Variants in KCNMA1 observed in about 807,000 individuals in gnomAD.
The protein encoded by KCNMA1 is Calcium-activated potassium channel subunit alpha-1.
KCNMA1 carries 29 observed loss-of-function variants against 140.0 expected under a neutral mutation model. That is an observed-to-expected ratio of 0.21 (90% CI 0.15 to 0.28). KCNMA1 has a LOEUF of 0.28. Ranked by LOEUF, KCNMA1 falls within the 10% of genes least tolerant of loss-of-function variation. The pLI, the probability that KCNMA1 is intolerant of heterozygous loss-of-function variation, is 1.00. For missense variants in KCNMA1, 880 were observed against 1,602.2 expected (o/e 0.55, Z 7.70); for synonymous variants, 612 against 611.9 (o/e 1.00, Z 0.00).
chr10:76,964,638 T>A (rs966974020), intron 20 of KCNMA1, among the ~76,000 whole-genome samples: 2 of 152,148 alleles, frequency 1.3e-5, no homozygotes, highest in African/African-American at 2.4e-5. Flanking sequence ...GTGGAAGGAA[T>A]TGTGAGGGTG....
At chr10:77,451,783 G>A (rs2097665057) in intron 1 of KCNMA1, among the ~76,000 whole-genome samples, 1 of 152,154 alleles carries the variant, frequency 6.6e-6, no homozygotes, top group Non-Finnish European at 1.5e-5. Flanking sequence ...CTAAGGACCT[G>A]GATGCCTGGA....
At chr10:77,181,822 G>A (rs7083934) in intron 5 of KCNMA1, among the ~76,000 whole-genome samples, 24,826 of 151,958 alleles carry the variant, frequency 0.16, 2,475 homozygotes, top group Middle Eastern at 0.22. Flanking sequence ...GCATATCTCA[G>A]GTCCAAAACA....
At chr10:77,458,381 CAG>C (rs1163246660) in intron 1 of KCNMA1, among the ~76,000 whole-genome samples, 1 of 152,228 alleles carries the variant, frequency 6.6e-6, no homozygotes, top group Non-Finnish European at 1.5e-5. Flanking sequence ...GACCAAGGCA[CAG>C]AGAGTTTCCA....
chr10:77,111,268 G>A (rs1401876845), intron 7 of KCNMA1, among the ~76,000 whole-genome samples: 1 of 152,214 alleles, frequency 6.6e-6, no homozygotes, highest in Admixed American at 6.5e-5. Context: ...CACCCACAGG[G>A]CCTGTAGACG....
rs556112112 is a variant in KCNMA1, at chr10:77,115,458, T to C, written c.885-3016A>G. On this transcript the variant is annotated intron_variant, in intron 6 of 27. Transcript: ENST00000286628. ...GGGTAAGAAATAGATGAAGAACTGA[T>C]AGCCGGCGACAAAGGGAGGCCTCTT... Among the ~76,000 whole-genome samples, 5 of 152,324 alleles carry C rather than the reference T, an allele frequency of 3.3e-5. No homozygotes were observed. The East Asian group carries it at 9.7e-4, about 29-fold the overall frequency.
At position 76,976,635 on chromosome 10, in the gene KCNMA1, C is replaced by A. The variant is rs558483882; in HGVS notation, c.2267-6568G>T. On this transcript the variant is annotated intron_variant, in intron 19 of 27. Transcript: ENST00000286628. ...ATCCTGAGAGGAACTCAGCATGTACCAAAGCCCCCCATATCTAGAATCGCA... is the reference window on the plus strand; with the variant it reads ...ATCCTGAGAGGAACTCAGCATGTACAAAAGCCCCCCATATCTAGAATCGCA... Among the ~76,000 whole-genome samples, 14 of 152,208 alleles carry A rather than the reference C, an allele frequency of 9.2e-5. No individual in the cohort carries two copies. In the South Asian group the frequency reaches 2.7e-3, roughly 29 times the overall value.
At chr10:77,011,636 G>T (rs2090776552) in intron 18 of KCNMA1, among the ~76,000 whole-genome samples, 2 of 152,130 alleles carry the variant, frequency 1.3e-5, no homozygotes, top group African/African-American at 4.8e-5. Flanking sequence ...AAAACACTTT[G>T]TGCTCTGTGG....
chr10:77,086,764 C>A (rs1368999699), intron 10 of KCNMA1, among the ~76,000 whole-genome samples, 171 bp from the exon 11 acceptor site: 1 of 152,140 alleles, frequency 6.6e-6, no homozygotes, highest in Non-Finnish European at 1.5e-5. Flanking sequence ...AAGTAAAACC[C>A]CAGCCCAACT....
chr10:77,227,700 T>C (rs2051982223), intron 3 of KCNMA1, among the ~76,000 whole-genome samples: 1 of 152,222 alleles, frequency 6.6e-6, no homozygotes, highest in African/African-American at 2.4e-5. Flanking sequence ...ATGCAGGCAT[T>C]AACGGTAAAG....
intron 2 of KCNMA1, among the ~76,000 whole-genome samples, chr10:77,373,168 T>C (rs1289288813): frequency 6.6e-6 from 1 of 152,236 alleles, no homozygotes; most frequent in African/African-American, 2.4e-5. Flanking sequence ...CCAGTGCCTA[T>C]GTAAACTCAT....
rs550282150 is a variant in KCNMA1 at position 77,111,948 on chromosome 10, G to A, written c.960+419C>T. 5.1e-4 allele frequency among the ~76,000 whole-genome samples: 77 copies of A among 152,298 alleles called. 2 individuals are homozygous for A. The highest frequency in any genetic ancestry group is 1.8e-3 in the African/African-American group (75 of 41,564). ...ACAAAATAATCAAAGGTGGCTTTTC[G>A]TAAGGCGGAAGTGGAAAGAAATTGA... On this transcript the variant is annotated intron_variant, in intron 7 of 27. Coordinates refer to ENST00000286628, the MANE Select transcript of KCNMA1 (RefSeq NM_001161352.2).
intron 3 of KCNMA1, among the ~76,000 whole-genome samples, chr10:77,216,146 A>G (rs1487133738): frequency 6.6e-6 from 1 of 152,208 alleles, no homozygotes; most frequent in Admixed American, 6.5e-5. Flanking sequence ...CTATAGAGAC[A>G]GAAAGTAGAT....
At chr10:76,998,135 GGCCACACC>G (rs892850146) in intron 19 of KCNMA1, among the ~76,000 whole-genome samples, 2 of 152,004 alleles carry the variant, frequency 1.3e-5, no homozygotes, top group African/African-American at 4.8e-5. Context: ...CACAGTAATG[GGCCACACC>G]TCCATAGAGG....
intron 1 of KCNMA1, among the ~76,000 whole-genome samples, chr10:77,556,040 C>T (rs760168035): frequency 5.9e-5 from 9 of 152,194 alleles, no homozygotes; most frequent in Non-Finnish European, 1.3e-4. Flanking sequence ...ATCGACACAG[C>T]TGACATATGG....
chr10:77,266,500 A>G (rs1430507134), intron 2 of KCNMA1, among the ~76,000 whole-genome samples: 5 of 152,168 alleles, frequency 3.3e-5, no homozygotes, highest in African/African-American at 1.2e-4. Flanking sequence ...AGCATTACCT[A>G]TGTTTGTTAT....
intron 26 of KCNMA1, chr10:76,889,799 C>T: frequency 1.7e-6 from 1 of 572,714 alleles, no homozygotes. Flanking sequence ...TGGTGTCTCT[C>T]CAGTTTTCCA....
intron 1 of KCNMA1, among the ~76,000 whole-genome samples, chr10:77,418,830 A>C (rs75594687): frequency 0.035 from 5,271 of 152,262 alleles, 284 homozygotes; most frequent in African/African-American, 0.12. Flanking sequence ...AATAATTGAA[A>C]TCTCAAAAGG....
intron 12 of KCNMA1, among the ~76,000 whole-genome samples, chr10:77,081,181 A>G (rs904940644): frequency 1.3e-5 from 2 of 152,184 alleles, no homozygotes; most frequent in Non-Finnish European, 2.9e-5. Context: ...CAGCTATTGT[A>G]CTAATGAACT....
chr10:77,548,596 A>G (rs1445941092), intron 1 of KCNMA1, among the ~76,000 whole-genome samples: 1 of 152,210 alleles, frequency 6.6e-6, no homozygotes, highest in African/African-American at 2.4e-5. Context: ...CCTGCTTCCA[A>G]CCTACCAGCA....
Sources: allele counts gnomAD v4.1 joint callset (sites outside exome capture counted in the v4.1 genomes callset), GRCh38; gene constraint gnomAD v4.1.1; transcripts MANE v1.5; gene names NCBI Gene and HGNC (gene_info 2026-07-23, HGNC 2026-07-21).